The following PPIG variants were observed in gnomAD, a reference collection of about 807,000 sequenced individuals.
The protein encoded by PPIG is peptidyl-prolyl cis-trans isomerase G.
Under a neutral mutation model 87.9 loss-of-function variants are expected in PPIG, and 26 were observed. That is an observed-to-expected ratio of 0.30 (90% confidence interval 0.22 to 0.41). The LOEUF (loss-of-function observed/expected upper bound fraction) is 0.41. Ranked by LOEUF, PPIG falls within the 10% of genes least tolerant of loss-of-function variation. The pLI, the probability that PPIG is intolerant of heterozygous loss-of-function variation, is 1.00. For synonymous variants in PPIG, 308 were observed against 276.5 expected (o/e 1.11, Z -1.13); for missense variants, 722 against 879.4 (o/e 0.82, Z 2.26).
chr2:169,632,279 G>A (rs1327439901), intron 11 of PPIG, among the ~76,000 whole-genome samples: 1 of 152,180 alleles, frequency 6.6e-6, no homozygotes, highest in Non-Finnish European at 1.5e-5. Flanking sequence ...AAGCAAGTAA[G>A]AATCTTGGTT....
intron 1 of PPIG, among the ~76,000 whole-genome samples, chr2:169,596,098 C>T (rs1180751466): frequency 6.8e-6 from 1 of 146,266 alleles, no homozygotes; most frequent in Non-Finnish European, 1.5e-5. Flanking sequence ...GCCACTGCGC[C>T]CGGCCTTTTT....
chr2:169,612,379 A>ATTTTT (rs57752220), intron 7 of PPIG, among the ~76,000 whole-genome samples: 1 of 106,748 alleles, frequency 9.4e-6, no homozygotes, highest in Non-Finnish European at 1.8e-5. Flanking sequence ...TCAGAACTCC[A>ATTTTT]TTTTTTTTTT....
chr2:169,621,098 CTGTTA>C (rs1220822607), intron 9 of PPIG, among the ~76,000 whole-genome samples: 1 of 151,988 alleles, frequency 6.6e-6, no homozygotes, highest in Non-Finnish European at 1.5e-5. Context: ...AGAACTTTTT[CTGTTA>C]TATGTTACTG....
At chr2:169,591,877 C>G (rs1029536263) in intron 1 of PPIG, among the ~76,000 whole-genome samples, 1 of 148,886 alleles carries the variant, frequency 6.7e-6, no homozygotes, top group East Asian at 2.0e-4. Context: ...TACTACTACA[C>G]TGAAAATTTT....
In PPIG at chr2:169,637,144, G is replaced by A. The variant is rs532649472; in HGVS notation, c.1886G>A (p.Arg629Gln). Residue 629 changes from arginine (R) to glutamine (Q), a missense_variant, in exon 14 of 14, where the codon CGG becomes CAG. Physicochemically the swap from Arg to Gln is conservative, Grantham distance 43. Transcript: ENST00000260970. ...KDRRRRRRDS[R>Q]SSEREESQSR... ...AGGAGGAGAAGGAGGAGAGACTCAC[G>A]GAGCTCAGAGAGAGAAGAAAGTCAA... 11 of 1,612,348 alleles carry A rather than the reference G, an allele frequency of 6.8e-6. No homozygotes were observed. The highest frequency in any genetic ancestry group is 3.3e-5 in the South Asian group (3 of 90,896).
At chr2:169,607,878 A>G (rs1229141541) in intron 6 of PPIG, among the ~76,000 whole-genome samples, 3 of 152,054 alleles carry the variant, frequency 2.0e-5, no homozygotes, top group African/African-American at 4.8e-5. Context: ...TTTTTAAGAG[A>G]TGGGATCTCA....
chr2:169,631,785 G>C lies in PPIG; in HGVS notation c.781G>C (p.Ala261Pro). Residue 261 changes from alanine (A) to proline (P), a missense_variant, in exon 11 of 14, where the codon GCT becomes CCT. By Grantham distance (27) the Ala-to-Pro change is conservative (BLOSUM62 -1). Coordinates refer to ENST00000260970, the MANE Select transcript of PPIG (RefSeq NM_004792.3). ...GTTAAGTGCATCTAGTGAGAGTGAA[G>C]CTGAAAATCTTGAAGCACAACCCCA... ...SKKSASSESE[A>P]ENLEAQPQST... is the part of the protein sequence containing the mutation. 1 of 1,613,788 alleles carries C rather than the reference G, an allele frequency of 6.2e-7. No individual in the cohort carries two copies. Among genetic ancestry groups the C allele is most frequent in the Non-Finnish European group, 8.5e-7 (1 of 1,179,804 alleles).
At chr2:169,597,805 T>C (rs1371898110) in intron 1 of PPIG, among the ~76,000 whole-genome samples, 1 of 152,116 alleles carries the variant, frequency 6.6e-6, no homozygotes, top group African/African-American at 2.4e-5. Flanking sequence ...AGCTCTCTCT[T>C]CTTTTAAAAA....
rs566114002 is a variant in PPIG, at chr2:169,608,636, T to C, written c.290-35T>C. On this transcript the variant is annotated intron_variant, in intron 6 of 13. Coordinates refer to ENST00000260970, the MANE Select transcript of PPIG (RefSeq NM_004792.3). ...AGATGAAATTTTTTTGGAGGTTATA[T>C]CTATAATGTAACTGAAAACTTTACT... is the stretch of plus-strand genomic sequence containing the variant. The C allele has an allele frequency of 2.1e-6, 3 of 1,449,528 alleles. No individual in the cohort carries two copies. The Admixed American group carries it at 5.1e-5, about 25-fold the overall frequency. The allele number at this position is 1,449,528 out of a possible 1,614,324, so 89.8% of individuals were successfully genotyped here. A position where few individuals can be genotyped will look rare whatever the true frequency, so the allele number is the denominator to read the frequency against.
At chr2:169,585,386 C>T (rs1054913046) in intron 1 of PPIG, among the ~76,000 whole-genome samples, 3 of 151,330 alleles carry the variant, frequency 2.0e-5, no homozygotes, top group Non-Finnish European at 4.4e-5. Flanking sequence ...CTCAGCCTCC[C>T]AAGTAGCTGG....
chr2:169,612,458 A>G (rs1472196695), intron 7 of PPIG, among the ~76,000 whole-genome samples: 1 of 142,172 alleles, frequency 7.0e-6, no homozygotes, highest in Admixed American at 7.6e-5. Context: ...ATCTCGGCTC[A>G]CTGCAAGCTC....
At chr2:169,618,306 G>GAA (rs1340776993) in intron 9 of PPIG, among the ~76,000 whole-genome samples, 1 of 152,024 alleles carries the variant, frequency 6.6e-6, no homozygotes, top group Non-Finnish European at 1.5e-5. Flanking sequence ...ATATTGGCCT[G>GAA]AAATTTTCTT....
At chr2:169,603,297 T>C (rs990282901) in intron 1 of PPIG, among the ~76,000 whole-genome samples, 2 of 152,114 alleles carry the variant, frequency 1.3e-5, no homozygotes, top group Non-Finnish European at 2.9e-5. Context: ...TAAAATAAAA[T>C]GCCTTATCAA....
At chr2:169,623,975 G>A (rs1685819318) in intron 9 of PPIG, among the ~76,000 whole-genome samples, 2 of 152,036 alleles carry the variant, frequency 1.3e-5, no homozygotes, top group Admixed American at 1.3e-4. Flanking sequence ...TTCTGGTTTT[G>A]TTTTGTTTTT....
intron 10 of PPIG, chr2:169,631,379 T>G: frequency 3.6e-6 from 1 of 278,872 alleles, no homozygotes; most frequent in African/African-American, 2.3e-5. Context: ...TACTTTCTTT[T>G]CCATTTTGCT....
chr2:169,607,015 C>A, intron 5 of PPIG, 89 bp from the exon 6 acceptor site: 6 of 824,352 alleles, frequency 7.3e-6, no homozygotes, highest in Admixed American at 2.6e-5. Flanking sequence ...CAAAATTATT[C>A]AAAAATCTAC....
At chr2:169,619,373 A>C (rs999918869) in intron 9 of PPIG, among the ~76,000 whole-genome samples, 1 of 152,170 alleles carries the variant, frequency 6.6e-6, no homozygotes, top group Non-Finnish European at 1.5e-5. Flanking sequence ...AGTTCTGTAG[A>C]TGTCTATTAG....
intron 1 of PPIG, among the ~76,000 whole-genome samples, chr2:169,598,847 A>ATAAATACAGGTAAATATATT (rs1685097378): frequency 6.7e-6 from 1 of 149,076 alleles, no homozygotes; most frequent in Non-Finnish European, 1.5e-5. Flanking sequence ...TTATATGTAT[A>ATAAATACAGGTAAATATATT]TAAATACAGG....
intron 9 of PPIG, among the ~76,000 whole-genome samples, chr2:169,617,851 C>T (rs1685644300): frequency 6.6e-6 from 1 of 152,186 alleles, no homozygotes; most frequent in Non-Finnish European, 1.5e-5. Flanking sequence ...TTATTTCTTT[C>T]TCTTGCCTGA....
Sources: gnomAD v4.1 joint callset for allele counts (sites outside exome capture counted in the v4.1 genomes callset) on GRCh38, gnomAD v4.1.1 for gene constraint, MANE v1.5 for transcripts, NCBI Gene and HGNC (gene_info 2026-07-23, HGNC 2026-07-21) for gene names.